STXBP3: variants seen among roughly 807,000 people sequenced by gnomAD.
The protein encoded by STXBP3 is syntaxin-binding protein 3.
STXBP3 carries 41 observed loss-of-function variants against 85.7 expected under a neutral mutation model. The ratio of observed to expected loss-of-function variants is 0.48; its 90% confidence interval spans 0.37 to 0.62. The LOEUF (loss-of-function observed/expected upper bound fraction) is 0.62, where lower values mean the gene tolerates loss of function less well. STXBP3 is among the 20% of genes least tolerant of loss of function. STXBP3 has a pLI of 0.00. For missense variants in STXBP3, 563 were observed against 703.1 expected (o/e 0.80, Z 2.25); for synonymous variants, 229 against 231.7 (o/e 0.99, Z 0.10).
At chr1:108,748,272 G>A (rs1305205385) in intron 1 of STXBP3, among the ~76,000 whole-genome samples, 4 of 152,192 alleles carry the variant, frequency 2.6e-5, no homozygotes, top group African/African-American at 9.7e-5. Flanking sequence ...AGTGGTTCAC[G>A]CCTGTAATCC....
At chr1:108,802,254 G>A (rs1277032) in intron 17 of STXBP3, among the ~76,000 whole-genome samples, 43,588 of 151,730 alleles carry the variant, frequency 0.29, 7,229 homozygotes, top group East Asian at 0.77. Context: ...AAAATTAGCC[G>A]GGCATGGTGG....
chr1:108,808,568 G>A (rs1049158193), intron 18 of STXBP3, among the ~76,000 whole-genome samples: 1 of 152,198 alleles, frequency 6.6e-6, no homozygotes, highest in African/African-American at 2.4e-5. Flanking sequence ...ACTAGGAATG[G>A]CCGCTGTTTC....
intron 6 of STXBP3, among the ~76,000 whole-genome samples, chr1:108,772,366 T>C (rs1276251666): frequency 2.0e-5 from 1 of 50,934 alleles, no homozygotes; most frequent in Admixed American, 1.4e-4. Flanking sequence ...CTGTATCATA[T>C]ATAAATACAT....
chr1:108,766,868 A>T lies in STXBP3; in HGVS notation c.439-5797A>T, dbSNP rs141531957. 1,428 of 479,592 alleles carry T rather than the reference A, an allele frequency of 3.0e-3. 16 individuals are homozygous for T. Among genetic ancestry groups the T allele is most frequent in the African/African-American group, 0.026 (1,308 of 49,916 alleles). The allele number at this position is 479,592 out of a possible 1,614,324, so 29.7% of individuals were successfully genotyped here. ...AGAGGGCATACTGACTTTGTGGTCTATACTTTGTAAGAGAGCAGGTAACTC... is the reference window on the plus strand; with the variant it reads ...AGAGGGCATACTGACTTTGTGGTCTTTACTTTGTAAGAGAGCAGGTAACTC... On this transcript the variant is annotated intron_variant, in intron 6 of 18. Transcript: ENST00000370008.
chr1:108,763,945 T>C (rs1009251440), intron 6 of STXBP3, among the ~76,000 whole-genome samples: 4 of 152,126 alleles, frequency 2.6e-5, no homozygotes, highest in Non-Finnish European at 5.9e-5. Context: ...GGTAAACTCA[T>C]GTCAAGGGGG....
chr1:108,766,143 C>T (rs547732928), intron 6 of STXBP3, among the ~76,000 whole-genome samples: 18 of 151,668 alleles, frequency 1.2e-4, no homozygotes, highest in African/African-American at 1.7e-4. Flanking sequence ...TACAAGCCAC[C>T]GTGCCTAGCT....
chr1:108,780,156 AT>A (rs1163680777), intron 9 of STXBP3: 2 of 152,128 alleles, frequency 1.3e-5, no homozygotes, highest in Non-Finnish European at 2.9e-5. Context: ...GTTTAAACTA[AT>A]TTGTTAGTTT....
At position 108,772,389 on chromosome 1, in the gene STXBP3, TATATAAATA is replaced by T. The variant is rs1557806652; in HGVS notation, c.439-275_439-267del. Among the ~76,000 whole-genome samples, 57 of 51,422 alleles carry T rather than the reference TATATAAATA, an allele frequency of 1.1e-3. 16 individuals are homozygous for T. The highest frequency in any genetic ancestry group is 2.4e-3 in the African/African-American group (29 of 12,012). 33.7% of individuals were successfully genotyped at this position (51,422 alleles called of 152,430 possible). On this transcript the variant is annotated intron_variant, in intron 6 of 18. Coordinates refer to ENST00000370008, the MANE Select transcript of STXBP3 (RefSeq NM_007269.4). ...TATATAAATACATATGATATCTGTA[TATATAAATA>T]CATATGATATCTATCTGTATATATA... is the stretch of plus-strand genomic sequence containing the variant.
chr1:108,766,534 T>A (rs1662266606), intron 6 of STXBP3, among the ~76,000 whole-genome samples: 1 of 152,102 alleles, frequency 6.6e-6, no homozygotes, highest in African/African-American at 2.4e-5. Flanking sequence ...ACTAAAAGAT[T>A]AATAAAAGAA....
chr1:108,796,428 T>G, intron 14 of STXBP3, 56 bp downstream of exon 14: 1 of 1,321,534 alleles, frequency 7.6e-7, no homozygotes, highest in Non-Finnish European at 1.0e-6. Context: ...TAAAAGAATC[T>G]TTGAAAACTG....
At chr1:108,777,165 G>A in intron 8 of STXBP3, among the ~76,000 whole-genome samples, 1 of 152,142 alleles carries the variant, frequency 6.6e-6, no homozygotes, top group Non-Finnish European at 1.5e-5. Context: ...ACTGTTGCTA[G>A]TTTAGAAGAG....
intron 3 of STXBP3, among the ~76,000 whole-genome samples, chr1:108,756,187 G>T (rs544327108): frequency 3.3e-5 from 5 of 152,162 alleles, no homozygotes; most frequent in Non-Finnish European, 7.4e-5. Context: ...TTCTGTTGTT[G>T]AAAAAATACT....
intron 6 of STXBP3, among the ~76,000 whole-genome samples, chr1:108,771,611 GAT>G (rs1312730858): frequency 1.7e-5 from 1 of 57,682 alleles, no homozygotes; most frequent in African/African-American, 7.9e-5. Flanking sequence ...AAATATATAT[GAT>G]ATATATCTAT....
intron 11 of STXBP3, among the ~76,000 whole-genome samples, chr1:108,791,780 T>G (rs1662980415): frequency 6.6e-6 from 1 of 152,128 alleles, no homozygotes; most frequent in Non-Finnish European, 1.5e-5. Context: ...CCCCCCAAAA[T>G]GTCCTCATGC....
At chr1:108,793,812 T>C (rs982410692) in intron 12 of STXBP3, among the ~76,000 whole-genome samples, 165 bp downstream of exon 12, 2 of 152,224 alleles carry the variant, frequency 1.3e-5, no homozygotes, top group Non-Finnish European at 2.9e-5. Context: ...TCTAAGCTTC[T>C]TCATAACTTC....
intron 3 of STXBP3, among the ~76,000 whole-genome samples, chr1:108,755,860 A>G (rs992965024): frequency 2.0e-5 from 3 of 152,194 alleles, no homozygotes; most frequent in Non-Finnish European, 4.4e-5. Flanking sequence ...TAGTTATGAT[A>G]AACCTATACA....
At chr1:108,796,792 GTTTTTT>G in intron 15 of STXBP3, 66 bp downstream of exon 15, 6 of 898,594 alleles carry the variant, frequency 6.7e-6, no homozygotes, top group Non-Finnish European at 9.1e-6. Flanking sequence ...TGTATTAACT[GTTTTTT>G]TTTTTTATGT....
chr1:108,793,247 ATC>A (rs1175911229), intron 11 of STXBP3, among the ~76,000 whole-genome samples: 9 of 142,406 alleles, frequency 6.3e-5, no homozygotes, highest in African/African-American at 2.1e-4. Context: ...TTTGGAAAAC[ATC>A]TTTAGGGAAA....
chr1:108,796,979 C>T (rs111544659), intron 15 of STXBP3, among the ~76,000 whole-genome samples: 2 of 152,088 alleles, frequency 1.3e-5, no homozygotes, highest in African/African-American at 2.4e-5. Flanking sequence ...TCATTTATAA[C>T]AATTGTCATA....
Sources: allele counts gnomAD v4.1 joint callset (sites outside exome capture counted in the v4.1 genomes callset), GRCh38; gene constraint gnomAD v4.1.1; transcripts MANE v1.5; gene names NCBI Gene and HGNC (gene_info 2026-07-23, HGNC 2026-07-21).